Variants in ETV1 observed in about 807,000 individuals in gnomAD.
ETV1 encodes ETS variant transcription factor 1, also known as ETS translocation variant 1.
A neutral mutation model predicts 62.3 loss-of-function variants in ETV1; 27 were observed. The observed-to-expected ratio is 0.43, with a 90% confidence interval of 0.32 to 0.60. The LOEUF (loss-of-function observed/expected upper bound fraction) is 0.60, where lower values mean the gene tolerates loss of function less well. Among genes scored for constraint, ETV1 ranks in the 20% least tolerant of loss-of-function variants. The pLI is 0.06. For missense variants in ETV1, 605 were observed against 605.8 expected (o/e 1.00, Z 0.01); for synonymous variants, 222 against 199.6 (o/e 1.11, Z -0.94).
chr7:13,953,330 T>G (rs1789043758), intron 6 of ETV1, among the ~76,000 whole-genome samples: 1 of 152,186 alleles, frequency 6.6e-6, no homozygotes, highest in South Asian at 2.1e-4. Flanking sequence ...TTATGAATAT[T>G]GAAACACCTC....
In ETV1 at chr7:13,989,023, A is replaced by T; in HGVS notation, c.30T>A (p.Pro10=). MDGFYDQQV[P]YMVTNSQRGR... ...GATCACTCACATTGGTGACCATGTA[A>T]GGCACTTGCTGGTCATAAAATCCAT... is the stretch of plus-strand genomic sequence containing the variant. Residue 10 remains proline (P), a synonymous_variant, in exon 3 of 14, where the codon CCT becomes CCA. Coordinates refer to ENST00000430479, the MANE Select transcript of ETV1 (RefSeq NM_004956.5). The T allele has an allele frequency of 6.2e-7, 1 of 1,606,982 alleles. No individual in the cohort carries two copies. The highest frequency in any genetic ancestry group is 1.1e-5 in the South Asian group (1 of 89,598).
At chr7:13,965,064 A>G (rs1790626797) in intron 6 of ETV1, among the ~76,000 whole-genome samples, 1 of 152,114 alleles carries the variant, frequency 6.6e-6, no homozygotes, top group South Asian at 2.1e-4. Context: ...TGCTACTACT[A>G]CTACTGCCTC....
At chr7:13,953,804 GT>G (rs1562672620) in intron 6 of ETV1, among the ~76,000 whole-genome samples, 1 of 152,062 alleles carries the variant, frequency 6.6e-6, no homozygotes, top group Non-Finnish European at 1.5e-5. Flanking sequence ...CTAACAAATA[GT>G]TTAGAACAAA....
chr7:13,949,483 G>T (rs1443745062), intron 6 of ETV1, among the ~76,000 whole-genome samples: 2 of 152,152 alleles, frequency 1.3e-5, no homozygotes, highest in South Asian at 4.1e-4. Flanking sequence ...CACAGAAGCA[G>T]AAGGCATTTT....
chr7:13,917,365 T>C (rs1784298804), intron 9 of ETV1, among the ~76,000 whole-genome samples: 1 of 151,772 alleles, frequency 6.6e-6, no homozygotes, highest in South Asian at 2.1e-4. Context: ...TTGCCCAGGC[T>C]GGAGTGTAAC....
In ETV1 at chr7:13,986,675, T is replaced by C. The variant is rs761285958; in HGVS notation, c.144A>G (p.Gln48=). 1 of 1,610,588 alleles carries C rather than the reference T, an allele frequency of 6.2e-7. No individual in the cohort carries two copies. The highest frequency in any genetic ancestry group is 2.2e-5 in the East Asian group (1 of 44,784). The change falls in exon 5 of 14, where the codon CAA becomes CAG. Residue 48 remains glutamine (Q), a synonymous_variant. Transcript: ENST00000430479. ...ATGTTTCCTGTAATTGACTTAGATCTTGAAAGAGTTCTAAAAAACAAGTCA... is the reference window on the plus strand; with the variant it reads ...ATGTTTCCTGTAATTGACTTAGATCCTGAAAGAGTTCTAAAAAACAAGTCA... ...DLAHDSEELF[Q]DLSQLQETWL... is the part of the protein sequence containing the mutation.
chr7:13,937,070 A>G (rs1325234551), intron 7 of ETV1, among the ~76,000 whole-genome samples: 1 of 152,160 alleles, frequency 6.6e-6, no homozygotes, highest in Non-Finnish European at 1.5e-5. Context: ...TAAAATAAAA[A>G]GCAATCATCA....
chr7:13,940,163 G>C (rs1583714376), intron 6 of ETV1, among the ~76,000 whole-genome samples: 1 of 152,168 alleles, frequency 6.6e-6, no homozygotes, highest in Non-Finnish European at 1.5e-5. Context: ...AGGAGTTCAA[G>C]ACCAGCCTGA....
intron 9 of ETV1, among the ~76,000 whole-genome samples, chr7:13,926,998 G>A (rs1160292304): frequency 6.6e-6 from 1 of 151,962 alleles, no homozygotes; most frequent in East Asian, 1.9e-4. Context: ...TTAATGTCAG[G>A]CTTTATTAGA....
chr7:13,920,794 G>A (rs1451848907), intron 9 of ETV1, among the ~76,000 whole-genome samples: 2 of 152,158 alleles, frequency 1.3e-5, no homozygotes, highest in Non-Finnish European at 2.9e-5. Context: ...GTGGGCCAGA[G>A]TACTGATTTG....
In ETV1 at chr7:13,894,081, A is replaced by G. The variant is rs1781570752; in HGVS notation, c.*1785T>C. The G allele has an allele frequency of 8.6e-6, 2 of 232,718 alleles. No homozygotes were observed. Among genetic ancestry groups the G allele is most frequent in the African/African-American group, 4.4e-5 (2 of 45,300 alleles). 14.4% of individuals were successfully genotyped at this position (232,718 alleles called of 1,614,324 possible). ...TGGAAAATGGGTAGCTGGGGGGATCATCTTTAAACAATCTTTTTCATGCTC... is the reference window on the plus strand; with the variant it reads ...TGGAAAATGGGTAGCTGGGGGGATCGTCTTTAAACAATCTTTTTCATGCTC... On this transcript the variant is annotated 3_prime_UTR_variant, in exon 14 of 14. Coordinates refer to ENST00000430479, the MANE Select transcript of ETV1 (RefSeq NM_004956.5).
chr7:13,980,952 C>T (rs1189747061), intron 5 of ETV1, among the ~76,000 whole-genome samples: 1 of 107,192 alleles, frequency 9.3e-6, no homozygotes, highest in Non-Finnish European at 2.2e-5. Context: ...ATATAGCTTG[C>T]CTTTATGTTA....
At chr7:13,923,400 C>T (rs1171371999) in intron 9 of ETV1, among the ~76,000 whole-genome samples, 3 of 152,160 alleles carry the variant, frequency 2.0e-5, no homozygotes, top group Non-Finnish European at 2.9e-5. Flanking sequence ...AATATAAAAA[C>T]ATTCCTCTCT....
intron 5 of ETV1, among the ~76,000 whole-genome samples, chr7:13,982,203 G>A (rs924815955): frequency 4.6e-5 from 7 of 152,008 alleles, no homozygotes; most frequent in Non-Finnish European, 1.0e-4. Context: ...GAAGCTCAGA[G>A]CCAACTAGCC....
At chr7:13,985,726 A>G (rs1255376037) in intron 5 of ETV1, among the ~76,000 whole-genome samples, 2 of 152,162 alleles carry the variant, frequency 1.3e-5, no homozygotes, top group Non-Finnish European at 2.9e-5. Context: ...TTTCCCACAA[A>G]CCACACCATA....
intron 6 of ETV1, among the ~76,000 whole-genome samples, chr7:13,942,806 A>T (rs565626581): frequency 6.6e-6 from 1 of 152,310 alleles, no homozygotes; most frequent in South Asian, 2.1e-4. Flanking sequence ...CTCTATAGCT[A>T]ATAAATATGC....
chr7:13,950,959 G>T (rs1048716569), intron 6 of ETV1, among the ~76,000 whole-genome samples: 1 of 140,176 alleles, frequency 7.1e-6, no homozygotes, highest in African/African-American at 2.8e-5. Flanking sequence ...AGCAATACTG[G>T]GTCCAATTTC....
At chr7:13,929,835 C>T (rs550213656) in intron 9 of ETV1, among the ~76,000 whole-genome samples, 2 of 152,234 alleles carry the variant, frequency 1.3e-5, no homozygotes, top group African/African-American at 4.8e-5. Context: ...AACCTATTGG[C>T]CAGTGTAGAA....
intron 6 of ETV1, among the ~76,000 whole-genome samples, chr7:13,964,523 A>C (rs1438519784): frequency 6.6e-6 from 1 of 152,204 alleles, no homozygotes; most frequent in Non-Finnish European, 1.5e-5. Context: ...TTAATGTGAA[A>C]AATCGACATA....
Sources: allele counts gnomAD v4.1 joint callset (sites outside exome capture counted in the v4.1 genomes callset), GRCh38; gene constraint gnomAD v4.1.1; transcripts MANE v1.5; gene names NCBI Gene and HGNC (gene_info 2026-07-23, HGNC 2026-07-21).